Variants in BCL7A observed in about 807,000 individuals in gnomAD.
BCL7A encodes the protein B-cell CLL/lymphoma 7 protein family member A.
Under a neutral mutation model 28.4 loss-of-function variants are expected in BCL7A, and 11 were observed. The observed-to-expected ratio is 0.39, with a 90% CI of 0.24 to 0.64. BCL7A has a LOEUF of 0.64. Among genes scored for constraint, BCL7A ranks in the 30% least tolerant of loss-of-function variants. The pLI, the probability that BCL7A is intolerant of heterozygous loss-of-function variation, is 0.50. For synonymous variants in BCL7A, 123 were observed against 103.3 expected, an observed-to-expected ratio of 1.19 and a Z score of -1.15; for missense variants, 222 against 274.8, an observed-to-expected ratio of 0.81 and a Z score of 1.36.
Position 122,060,010 on chromosome 12 carries a change from C to T in BCL7A, c.*847C>T. 4.3e-6 allele frequency: 1 copy of T among 233,630 alleles called. No homozygotes were observed. 14.5% of individuals were successfully genotyped at this position (233,630 alleles called of 1,614,324 possible). On this transcript the variant is annotated 3_prime_UTR_variant, in exon 6 of 6. Coordinates refer to ENST00000261822, the MANE Select transcript of BCL7A (RefSeq NM_001024808.3). Reference sequence around the variant, plus strand: ...TCTATTGCCCCCACCACCACCACCCCCATCACTGCTTTCTCCCAGACCTCC... The same window carrying T: ...TCTATTGCCCCCACCACCACCACCCTCATCACTGCTTTCTCCCAGACCTCC...
chr12:122,023,847 C>G (rs554459774), intron 1 of BCL7A, among the ~76,000 whole-genome samples: 1 of 152,340 alleles, frequency 6.6e-6, no homozygotes, highest in East Asian at 1.9e-4. Flanking sequence ...TGCCTCAGCC[C>G]CTGTGCAAAG....
At chr12:122,027,315 A>G (rs1883649581) in intron 1 of BCL7A, among the ~76,000 whole-genome samples, 1 of 152,230 alleles carries the variant, frequency 6.6e-6, no homozygotes, top group Admixed American at 6.5e-5. Flanking sequence ...CAGCAGATTT[A>G]ACATTTTTAA....
chr12:122,032,578 A>C (rs1196482359), intron 2 of BCL7A, among the ~76,000 whole-genome samples: 1 of 152,214 alleles, frequency 6.6e-6, no homozygotes, highest in African/African-American at 2.4e-5. Context: ...AGGACCGGGC[A>C]GCTCTAGGCT....
Position 122,059,307 on chromosome 12 carries a change from C to T in BCL7A, c.*144C>T. The stretch of plus-strand genomic sequence containing the variant: ...TTACCAAGTGCAAATCCAAGAAGAC[C>T]CAGAACGGCGTCACTTCTCAGACAC... On this transcript the variant is annotated 3_prime_UTR_variant, in exon 6 of 6. Coordinates refer to ENST00000261822, the MANE Select transcript of BCL7A (RefSeq NM_001024808.3). This position sits in a 1 kb window ranked among gnomAD's most constrained non-coding sequence, Gnocchi z 4.0. 1 of 715,560 alleles carries T rather than the reference C, an allele frequency of 1.4e-6. No individual in the cohort carries two copies. The allele number at this position is 715,560 out of a possible 1,614,324, so 44.3% of individuals were successfully genotyped here.
At chr12:122,045,661 C>T (rs112667884) in intron 4 of BCL7A, among the ~76,000 whole-genome samples, 1,697 of 152,212 alleles carry the variant, frequency 0.011, 16 homozygotes, top group Non-Finnish European at 0.02. Flanking sequence ...TCCTATATAT[C>T]CACCTGCTGA....
Position 122,054,890 on chromosome 12 carries a change from C to T in BCL7A, c.525C>T (p.Asp175=). The T allele has an allele frequency of 6.2e-7, 1 of 1,614,188 alleles. No individual in the cohort carries two copies. Among genetic ancestry groups the T allele is most frequent in the Middle Eastern group, 1.6e-4 (1 of 6,062 alleles). The change falls in exon 5 of 6, where the codon GAC becomes GAT. Residue 175 remains aspartate (D), a synonymous_variant. Transcript: ENST00000261822. ...AAGTAGATCGGCAGCCGTCTGGAGA[C>T]TCGGGTCTGGCCGCAGAGACGTCTG... ...SEKVDRQPSG[D]SGLAAETSAI... is the part of the protein sequence containing the mutation.
At chr12:122,038,302 T>G (rs1332548581) in intron 3 of BCL7A, among the ~76,000 whole-genome samples, 2 of 135,370 alleles carry the variant, frequency 1.5e-5, no homozygotes, top group East Asian at 4.5e-4. Context: ...CATGATGGCG[T>G]GTGCCTGTAA....
intron 1 of BCL7A, among the ~76,000 whole-genome samples, chr12:122,024,929 T>C (rs1883581699): frequency 6.6e-6 from 1 of 151,424 alleles, no homozygotes; most frequent in Non-Finnish European, 1.5e-5. Flanking sequence ...ACCCCTAAAA[T>C]TACCCCCCCG....
chr12:122,035,980 ACAG>A (rs1023625060), intron 3 of BCL7A, among the ~76,000 whole-genome samples: 3 of 152,068 alleles, frequency 2.0e-5, no homozygotes, highest in Non-Finnish European at 4.4e-5. Context: ...AGCTGGGATT[ACAG>A]CCATGCACCA....
intron 4 of BCL7A, among the ~76,000 whole-genome samples, chr12:122,045,524 G>A (rs572248040): frequency 1.3e-5 from 2 of 152,242 alleles, no homozygotes; most frequent in East Asian, 3.9e-4. Flanking sequence ...ATGATCTGAA[G>A]GATTAAGAAC....
At chr12:122,022,927 G>C (rs1593019561) in intron 1 of BCL7A, among the ~76,000 whole-genome samples, 1 of 152,270 alleles carries the variant, frequency 6.6e-6, no homozygotes, top group African/African-American at 2.4e-5. Context: ...GCCAGCCGAT[G>C]TTTTTGGCCA....
Position 122,043,880 on chromosome 12 carries a change from C to T in BCL7A, c.272-6C>T. ...CATCCTGTGGTTCTGTTCCCACCCC[C>T]TACAGACGATAACAGCAACCAGAGC... is the stretch of plus-strand genomic sequence containing the variant. On this transcript the variant is annotated splice_polypyrimidine_tract_variant and splice_region_variant and intron_variant, in intron 3 of 5. Transcript: ENST00000261822. 1.2e-6 allele frequency: 2 copies of T among 1,610,562 alleles called. No individual in the cohort carries two copies. Among genetic ancestry groups the T allele is most frequent in the Middle Eastern group, 1.7e-4 (1 of 6,050 alleles).
At chr12:122,028,669 A>G (rs1883678896) in intron 1 of BCL7A, among the ~76,000 whole-genome samples, 1 of 152,158 alleles carries the variant, frequency 6.6e-6, no homozygotes, top group Admixed American at 6.6e-5. Context: ...CCTGTCTGTG[A>G]GACCCCAAGC....
intron 5 of BCL7A, among the ~76,000 whole-genome samples, chr12:122,056,829 G>A (rs1951881311): frequency 6.6e-6 from 1 of 152,038 alleles, no homozygotes; most frequent in African/African-American, 2.4e-5. Context: ...CAGAAAAAAG[G>A]AGAGAAAGGA....
chr12:122,041,880 C>T (rs1241965096), intron 3 of BCL7A, among the ~76,000 whole-genome samples: 1 of 152,148 alleles, frequency 6.6e-6, no homozygotes, highest in Non-Finnish European at 1.5e-5. Flanking sequence ...GCAAGCCTGA[C>T]CAACATGGCG....
rs953130288 is a variant in BCL7A, at chr12:122,060,115, C to T, written c.*952C>T. ...GTGGGCCGGGGAGGCTGGGAGCCGG[C>T]GGCAGGATTAGCTGGTGCTGAACTT... On this transcript the variant is annotated 3_prime_UTR_variant, in exon 6 of 6. Coordinates refer to ENST00000261822, the MANE Select transcript of BCL7A (RefSeq NM_001024808.3). The T allele has an allele frequency of 1.7e-5, 4 of 232,912 alleles. No individual in the cohort carries two copies. The highest frequency in any genetic ancestry group is 3.6e-4 in the South Asian group (2 of 5,530). The allele number at this position is 232,912 out of a possible 1,614,324, so 14.4% of individuals were successfully genotyped here. A position where few individuals can be genotyped will look rare whatever the true frequency, so the allele number is the denominator to read the frequency against.
At chr12:122,031,039 C>A (rs562675177) in intron 2 of BCL7A, among the ~76,000 whole-genome samples, 2 of 151,968 alleles carry the variant, frequency 1.3e-5, no homozygotes, top group Non-Finnish European at 2.9e-5. Context: ...TCTTCTTCTT[C>A]TTTTTGATAC....
At chr12:122,052,661 TG>T (rs1420381261) in intron 4 of BCL7A, among the ~76,000 whole-genome samples, 17 of 152,068 alleles carry the variant, frequency 1.1e-4, no homozygotes, top group African/African-American at 3.4e-4. Flanking sequence ...TCTTTCTTTT[TG>T]TTTTTTTATT....
At chr12:122,027,084 GCAAGTT>G in intron 1 of BCL7A, among the ~76,000 whole-genome samples, 1 of 152,216 alleles carries the variant, frequency 6.6e-6, no homozygotes, top group Non-Finnish European at 1.5e-5. Flanking sequence ...CAGCTTTGCA[GCAAGTT>G]GGGCTGCAGC....
Sources: gnomAD v4.1 joint callset for allele counts (sites outside exome capture counted in the v4.1 genomes callset) on GRCh38, gnomAD v4.1.1 for gene constraint, Gnocchi (gnomAD v3.1) non-coding constraint, MANE v1.5 for transcripts, NCBI Gene and HGNC (gene_info 2026-07-23, HGNC 2026-07-21) for gene names.